The following SYT16 variants were observed in gnomAD, a reference collection of about 807,000 sequenced individuals.
The protein encoded by SYT16 is synaptotagmin 16.
A neutral mutation model predicts 61.4 loss-of-function variants in SYT16; 42 were observed. The observed-to-expected ratio is 0.68, with a 90% confidence interval of 0.53 to 0.89. SYT16 has a LOEUF of 0.89. SYT16 is among the 40% of genes least tolerant of loss of function. The pLI is 0.00. For synonymous variants in SYT16, 314 were observed against 302.3 expected (o/e 1.04, Z -0.40); for missense variants, 804 against 807.3 (o/e 1.00, Z 0.05).
At chr14:61,999,622 GTTA>G (rs2052912039) in intron 3 of SYT16, among the ~76,000 whole-genome samples, 1 of 151,304 alleles carries the variant, frequency 6.6e-6, no homozygotes, top group South Asian at 2.1e-4. Flanking sequence ...ATTAATTTCT[GTTA>G]TTATTATTTT....
intron 3 of SYT16, among the ~76,000 whole-genome samples, chr14:62,069,089 T>C (rs1026678337): frequency 2.6e-5 from 4 of 152,124 alleles, no homozygotes; most frequent in African/African-American, 9.7e-5. Context: ...AGCCACTGCG[T>C]CTGGTGGGGT....
intron 3 of SYT16, among the ~76,000 whole-genome samples, chr14:62,006,433 A>G (rs532380601): frequency 6.6e-6 from 1 of 152,310 alleles, no homozygotes; most frequent in Non-Finnish European, 1.5e-5. Flanking sequence ...AATTCTTTTC[A>G]TAATGTTGTA....
At chr14:61,898,483 G>A (rs191583225) in intron 1 of SYT16, among the ~76,000 whole-genome samples, 68 of 152,314 alleles carry the variant, frequency 4.5e-4, no homozygotes, top group Admixed American at 8.5e-4. Context: ...GGCATCCTGG[G>A]TGAGGTTTAG....
intron 2 of SYT16, among the ~76,000 whole-genome samples, chr14:61,974,713 G>C (rs1470178709): frequency 1.3e-5 from 2 of 152,222 alleles, no homozygotes; most frequent in African/African-American, 4.8e-5. Context: ...TGAGTAGCAA[G>C]TTTAAGTTTA....
intron 1 of SYT16, among the ~76,000 whole-genome samples, chr14:61,901,346 C>T (rs2048507897): frequency 6.6e-6 from 1 of 152,146 alleles, no homozygotes. Flanking sequence ...TTCCTAATTA[C>T]TTTCTATATA....
chr14:61,885,429 C>T (rs2047862956), intron 1 of SYT16, among the ~76,000 whole-genome samples: 1 of 152,130 alleles, frequency 6.6e-6, no homozygotes, highest in African/African-American at 2.4e-5. Flanking sequence ...GTAACAAGGA[C>T]TGGCTGAACA....
intron 1 of SYT16, among the ~76,000 whole-genome samples, chr14:61,904,337 A>G (rs2048625430): frequency 6.6e-6 from 1 of 152,200 alleles, no homozygotes; most frequent in African/African-American, 2.4e-5. Context: ...GCTTCTGCAT[A>G]CCATAGAAGG....
chr14:61,879,828 G>A (rs890743852), intron 1 of SYT16, among the ~76,000 whole-genome samples: 7 of 152,168 alleles, frequency 4.6e-5, no homozygotes, highest in African/African-American at 2.4e-5. Context: ...TCTAACATTA[G>A]CCCTTGACAC....
chr14:61,850,203 C>T (rs140337053), intron 1 of SYT16, among the ~76,000 whole-genome samples: 1,553 of 150,034 alleles, frequency 0.01, 28 homozygotes, highest in African/African-American at 0.036. Context: ...GGTGTGATCT[C>T]GGCTCACTGC....
chr14:61,886,687 T>G (rs2047911553), intron 1 of SYT16, among the ~76,000 whole-genome samples: 1 of 152,220 alleles, frequency 6.6e-6, no homozygotes, highest in Admixed American at 6.5e-5. Context: ...CTTGAGCCCC[T>G]CAAAAGTCAT....
intron 1 of SYT16, among the ~76,000 whole-genome samples, chr14:61,855,801 C>T (rs928657255): frequency 2.0e-5 from 3 of 152,176 alleles, no homozygotes; most frequent in Admixed American, 6.5e-5. Context: ...CAAAGTTTTT[C>T]TACTTCTTCA....
chr14:61,965,741 G>GA (rs1459461736), intron 1 of SYT16, among the ~76,000 whole-genome samples: 1 of 151,966 alleles, frequency 6.6e-6, no homozygotes, highest in Non-Finnish European at 1.5e-5. Flanking sequence ...TGTAGCTGAA[G>GA]AAATAGTAAT....
intron 3 of SYT16, among the ~76,000 whole-genome samples, chr14:62,018,115 T>C (rs1487807718): frequency 6.6e-6 from 1 of 152,060 alleles, no homozygotes; most frequent in African/African-American, 2.4e-5. Context: ...TCAAAGCATG[T>C]CATTCCTTTG....
At chr14:61,979,399 G>A (rs1316223337) in intron 2 of SYT16, among the ~76,000 whole-genome samples, 2 of 152,018 alleles carry the variant, frequency 1.3e-5, no homozygotes, top group Non-Finnish European at 1.5e-5. Context: ...CTTTCCTGGG[G>A]CATTTTGTTG....
At chr14:61,877,492 A>G (rs1167135232) in intron 1 of SYT16, among the ~76,000 whole-genome samples, 1 of 152,212 alleles carries the variant, frequency 6.6e-6, no homozygotes, top group Non-Finnish European at 1.5e-5. Flanking sequence ...ACACCCAGAA[A>G]TTCTGCTTCG....
chr14:61,885,501 T>C (rs889445188), intron 1 of SYT16, among the ~76,000 whole-genome samples: 2 of 152,212 alleles, frequency 1.3e-5, no homozygotes, highest in African/African-American at 4.8e-5. Context: ...CATTTGTGGG[T>C]GGATGAATCC....
intron 1 of SYT16, among the ~76,000 whole-genome samples, chr14:61,885,138 A>G (rs957084087): frequency 3.3e-5 from 5 of 152,202 alleles, no homozygotes; most frequent in Non-Finnish European, 7.3e-5. Context: ...GTGTAAACAG[A>G]TACCTTATTT....
intron 3 of SYT16, among the ~76,000 whole-genome samples, chr14:62,026,191 A>G (rs1367163519): frequency 6.6e-6 from 1 of 152,218 alleles, no homozygotes; most frequent in Non-Finnish European, 1.5e-5. Flanking sequence ...AGCATGGATC[A>G]CAATGAGTGG....
chr14:61,957,316 G>A (rs1194846979), intron 1 of SYT16, among the ~76,000 whole-genome samples: 1 of 151,670 alleles, frequency 6.6e-6, no homozygotes, highest in African/African-American at 2.4e-5. Context: ...TCTTTATCTT[G>A]CCTAATTTTT....
Sources: allele counts gnomAD v4.1 joint callset (sites outside exome capture counted in the v4.1 genomes callset), GRCh38; gene constraint gnomAD v4.1.1; transcripts MANE v1.5; gene names NCBI Gene and HGNC (gene_info 2026-07-23, HGNC 2026-07-21).